MAST1: variants seen among roughly 807,000 people sequenced by gnomAD.
MAST1 encodes the protein microtubule associated serine/threonine kinase 1.
In MAST1, 40 loss-of-function variants were observed where a neutral mutation model predicts 124.6. The observed-to-expected ratio is 0.32, with a 90% confidence interval of 0.25 to 0.42. MAST1 has a LOEUF of 0.42. Among genes scored for constraint, MAST1 ranks in the 10% least tolerant of loss-of-function variants. The probability of loss-of-function intolerance (pLI) is 1.00; values close to 1 mark genes in which losing one functional copy is unlikely to be tolerated. For missense variants in MAST1, 1,558 were observed against 2,181.9 expected (o/e 0.71, Z 5.70); for synonymous variants, 938 against 939.4 (o/e 1.00, Z 0.03).
intron 20 of MAST1, 126 bp downstream of exon 20, chr19:12,868,103 ATTTT>A (rs34988246): frequency 0.01 from 3,227 of 319,570 alleles, 5 homozygotes; most frequent in South Asian, 0.011. Flanking sequence ...GCAATTTGGG[ATTTT>A]TTTTTTTTTT....
Position 12,847,748 on chromosome 19 carries a change from A to T in MAST1, c.564+61A>T. 1 of 1,592,230 alleles carries T rather than the reference A, an allele frequency of 6.3e-7. No individual in the cohort carries two copies. Among genetic ancestry groups the T allele is most frequent in the Non-Finnish European group, 8.6e-7 (1 of 1,166,050 alleles). Reference sequence around the variant, plus strand: ...GGCGGCCTGCACTCTCGCTCGCCTTATCCCCGCGCGCCCCCTGGCGGCCTC... The same window carrying T: ...GGCGGCCTGCACTCTCGCTCGCCTTTTCCCCGCGCGCCCCCTGGCGGCCTC... On this transcript the variant is annotated intron_variant, in intron 6 of 25. Transcript: ENST00000251472. The surrounding 1 kb of genome is among the most constrained non-coding windows in gnomAD (Gnocchi z 5.5).
chr19:12,851,245 G>A (rs1969955659), intron 7 of MAST1, among the ~76,000 whole-genome samples: 1 of 149,674 alleles, frequency 6.7e-6, no homozygotes, highest in Non-Finnish European at 1.5e-5. Flanking sequence ...ACTGTGCCCG[G>A]CCTCTTTTTC....
intron 12 of MAST1, among the ~76,000 whole-genome samples, chr19:12,859,138 G>C (rs535988539): frequency 2.6e-5 from 4 of 152,104 alleles, no homozygotes; most frequent in African/African-American, 9.6e-5. Context: ...GCAGTGCAGT[G>C]GTGCAATCTC....
At chr19:12,845,411 CAAA>C (rs540488398) in intron 4 of MAST1, among the ~76,000 whole-genome samples, 27 of 69,110 alleles carry the variant, frequency 3.9e-4, no homozygotes, top group African/African-American at 1.4e-3. Context: ...CCTGTTTCTA[CAAA>C]AAAAAAAAAA....
intron 19 of MAST1, 24 bp downstream of exon 19, chr19:12,867,676 T>C: frequency 3.2e-6 from 5 of 1,551,712 alleles, no homozygotes; most frequent in Non-Finnish European, 4.3e-6. Context: ...TGGCGGAGTT[T>C]GGGGGCGGGG....
chr19:12,867,646 C>G lies in MAST1; in HGVS notation c.2312C>G (p.Pro771Arg), dbSNP rs781209545. 3.1e-6 allele frequency: 5 copies of G among 1,594,040 alleles called. No individual in the cohort carries two copies. The African/African-American group carries it at 4.0e-5, about 13-fold the overall frequency. ...LREKTWRGGS[P>R]EIKRFSASEA... ...GAGAAGACCTGGAGAGGGGGCTCTC[C>G]GGAGATGTGAGCAGGGGAATGGCGG... Residue 771 changes from proline (P) to arginine (R), a missense_variant, in exon 19 of 26, where the codon CCG becomes CGG. Physicochemically the swap from Pro to Arg is moderately radical, Grantham distance 103. Coordinates refer to ENST00000251472, the MANE Select transcript of MAST1 (RefSeq NM_014975.3).
At position 12,867,990 on chromosome 19, in the gene MAST1, T is replaced by C. The variant is rs1486114483; in HGVS notation, c.2566+13T>C. 6.6e-7 allele frequency: 1 copy of C among 1,519,888 alleles called. No individual in the cohort carries two copies. The highest frequency in any genetic ancestry group is 1.4e-5 in the African/African-American group (1 of 71,594). 94.2% of individuals were successfully genotyped at this position (1,519,888 alleles called of 1,614,324 possible). A position where few individuals can be genotyped will look rare whatever the true frequency, so the allele number is the denominator to read the frequency against. ...GACTCCGAGGCCAGTGAGTGCCCTA[T>C]CGTGCTGCCTTCCCCAATCTTCCCC... is the stretch of plus-strand genomic sequence containing the variant. On this transcript the variant is annotated intron_variant, in intron 20 of 25. Transcript: ENST00000251472.
At position 12,865,943 on chromosome 19, in the gene MAST1, T is replaced by G. The variant is rs772734534; in HGVS notation, c.1907-37T>G. The G allele has an allele frequency of 6.2e-7, 1 of 1,611,984 alleles. No homozygotes were observed. Among genetic ancestry groups the G allele is most frequent in the Non-Finnish European group, 8.5e-7 (1 of 1,179,348 alleles). Reference sequence around the variant, plus strand: ...GGGGGGCGGGGCTGGGCTGCTGGGTTGGCCATCAGCTGTGGCTGGAATCCC... The same window carrying G: ...GGGGGGCGGGGCTGGGCTGCTGGGTGGGCCATCAGCTGTGGCTGGAATCCC... On this transcript the variant is annotated intron_variant, in intron 16 of 25. Coordinates refer to ENST00000251472, the MANE Select transcript of MAST1 (RefSeq NM_014975.3). This position sits in a 1 kb window ranked among gnomAD's most constrained non-coding sequence, Gnocchi z 7.1.
At chr19:12,848,192 C>G in intron 7 of MAST1, 135 bp downstream of exon 7, 2 of 787,884 alleles carry the variant, frequency 2.5e-6, no homozygotes, top group Non-Finnish European at 4.1e-6. Flanking sequence ...GCTGAGGACT[C>G]AGGGGTGGAA....
rs1430414543 is a variant in MAST1 at position 12,869,046 on chromosome 19, C to T, written c.2774-20C>T. ...CTATCTTCTTGGTTCTGATTTCTGACCATGGTTGTGTGTCTGTAGTGGACC... is the reference window on the plus strand; with the variant it reads ...CTATCTTCTTGGTTCTGATTTCTGATCATGGTTGTGTGTCTGTAGTGGACC... On this transcript the variant is annotated intron_variant, in intron 21 of 25. Coordinates refer to ENST00000251472, the MANE Select transcript of MAST1 (RefSeq NM_014975.3). 6.2e-7 allele frequency: 1 copy of T among 1,609,450 alleles called. No individual in the cohort carries two copies. The highest frequency in any genetic ancestry group is 8.5e-7 in the Non-Finnish European group (1 of 1,175,926).
At position 12,867,792 on chromosome 19, in the gene MAST1, C is replaced by T. The variant is rs777696047; in HGVS notation, c.2381C>T (p.Ala794Val). The T allele has an allele frequency of 6.4e-7, 1 of 1,567,488 alleles. No homozygotes were observed. Among genetic ancestry groups the T allele is most frequent in the Non-Finnish European group, 8.6e-7 (1 of 1,158,300 alleles). Reference sequence around the variant, plus strand: ...GGAGAGGCCAGTCCCCCTTTGGGCGCCCGCCGCCGTTTCTCGGCGCTGCTG... The same window carrying T: ...GGAGAGGCCAGTCCCCCTTTGGGCGTCCGCCGCCGTTTCTCGGCGCTGCTG... ...LEGEASPPLGARRRFSALLEP... is the reference protein window; with the variant it reads ...LEGEASPPLGVRRRFSALLEP... Residue 794 changes from alanine to valine, a missense_variant, in exon 20 of 26, where the codon GCC becomes GTC. This residue lies in a region of MAST1 where 287 missense variants were observed against 308.0 expected (regional missense o/e 0.93). Coordinates refer to ENST00000251472, the MANE Select transcript of MAST1 (RefSeq NM_014975.3).
At chr19:12,860,742 C>T (rs553786867) in intron 12 of MAST1, among the ~76,000 whole-genome samples, 7 of 152,136 alleles carry the variant, frequency 4.6e-5, no homozygotes, top group Admixed American at 1.3e-4. Flanking sequence ...CCATAGCTTG[C>T]GGCCCATATA....
At chr19:12,862,663 T>C (rs1172862943) in intron 12 of MAST1, among the ~76,000 whole-genome samples, 1 of 150,604 alleles carries the variant, frequency 6.6e-6, no homozygotes, top group Admixed American at 6.6e-5. Context: ...TTTTCCTTTT[T>C]TTTTTTTTTT....
At chr19:12,840,769 C>G (rs1386175809) in intron 2 of MAST1, among the ~76,000 whole-genome samples, 2 of 151,220 alleles carry the variant, frequency 1.3e-5, no homozygotes, top group Non-Finnish European at 2.9e-5. Context: ...AAGGAGGAGT[C>G]GTACCTGAGG....
Position 12,841,069 on chromosome 19 carries a change from G to A in MAST1, c.248+3G>A, listed in dbSNP as rs751999360. The A allele has an allele frequency of 2.7e-6, 4 of 1,488,176 alleles. No individual in the cohort carries two copies. Among genetic ancestry groups the A allele is most frequent in the Non-Finnish European group, 3.8e-6 (4 of 1,065,026 alleles). 92.2% of individuals were successfully genotyped at this position (1,488,176 alleles called of 1,614,324 possible). A position where few individuals can be genotyped will look rare whatever the true frequency, so the allele number is the denominator to read the frequency against. On this transcript the variant is annotated splice_donor_region_variant and intron_variant, in intron 3 of 25. Coordinates refer to ENST00000251472, the MANE Select transcript of MAST1 (RefSeq NM_014975.3). The surrounding 1 kb of genome is among the most constrained non-coding windows in gnomAD (Gnocchi z 4.3). ...TTCTCGTTTGCCTCCTCCCGAAGGT[G>A]AGTCCCTCCCCTCCAGGGCCCCAGA...
At position 12,868,103 on chromosome 19, in the gene MAST1, A is replaced by ATTTTTTTTTTTTTTTTTTTTTT. The variant is rs34988246; in HGVS notation, c.2566+128_2566+149dup. On this transcript the variant is annotated intron_variant, in intron 20 of 25. Coordinates refer to ENST00000251472, the MANE Select transcript of MAST1 (RefSeq NM_014975.3). ...GGTCCTATTCACATTGCAATTTGGG[A>ATTTTTTTTTTTTTTTTTTTTTT]TTTTTTTTTTTTTTTTTTTTTTTGA... 2.9e-4 allele frequency: 95 copies of ATTTTTTTTTTTTTTTTTTTTTT among 322,270 alleles called. 11 individuals carry two copies. The highest frequency in any genetic ancestry group is 1.1e-3 in the African/African-American group (27 of 23,798). 20.0% of individuals were successfully genotyped at this position (322,270 alleles called of 1,614,324 possible).
chr19:12,846,960 C>T (rs1264204143), intron 4 of MAST1, among the ~76,000 whole-genome samples: 2 of 151,704 alleles, frequency 1.3e-5, no homozygotes, highest in Non-Finnish European at 2.9e-5. Flanking sequence ...GGCAGGGACC[C>T]AGGGCAGGAT....
At position 12,867,742 on chromosome 19, in the gene MAST1, C is replaced by G. The variant is rs202159363; in HGVS notation, c.2331C>G (p.Ser777=). The change falls in exon 20 of 26, where the codon TCC becomes TCG. Residue 777 remains serine, a synonymous_variant. Coordinates refer to ENST00000251472, the MANE Select transcript of MAST1 (RefSeq NM_014975.3). ...CCCCTCCATGCAGCAAGCGATTCTC[C>G]GCGTCCGAGGCCAGTTTCCTGGAGG... ...RGGSPEIKRF[S]ASEASFLEGE... is the part of the protein sequence containing the mutation. The G allele has an allele frequency of 1.8e-3, 2,804 of 1,532,550 alleles. 46 individuals are homozygous for G. In the African/African-American group the frequency reaches 0.035, roughly 19 times the overall value. The allele number at this position is 1,532,550 out of a possible 1,614,324, so 94.9% of individuals were successfully genotyped here.
chr19:12,852,847 C>CAA (rs58271940), intron 10 of MAST1, among the ~76,000 whole-genome samples: 2 of 150,276 alleles, frequency 1.3e-5, no homozygotes, highest in Non-Finnish European at 2.9e-5. Flanking sequence ...GAAACTGTCT[C>CAA]AAAAAATAAA....
Sources: allele counts gnomAD v4.1 joint callset (sites outside exome capture counted in the v4.1 genomes callset), GRCh38; gene constraint gnomAD v4.1.1; regional missense constraint gnomAD v4.1.1; non-coding constraint Gnocchi (gnomAD v3.1); transcripts MANE v1.5; gene names NCBI Gene and HGNC (gene_info 2026-07-23, HGNC 2026-07-21).